The following ZFPM2 variants were observed in gnomAD, a reference collection of about 807,000 sequenced individuals.
The protein encoded by ZFPM2 is zinc finger protein, FOG family member 2.
ZFPM2 carries 20 observed loss-of-function variants against 98.6 expected under a neutral mutation model. That is an observed-to-expected ratio of 0.20 (90% CI 0.14 to 0.29). ZFPM2 has a LOEUF of 0.29. Among genes scored for constraint, ZFPM2 ranks in the 10% least tolerant of loss-of-function variants. The pLI is 1.00. For missense variants in ZFPM2, 1,310 were observed against 1,388.6 expected, an observed-to-expected ratio of 0.94 and a Z score of 0.90; for synonymous variants, 518 against 502.7, an observed-to-expected ratio of 1.03 and a Z score of -0.41.
intron 5 of ZFPM2, among the ~76,000 whole-genome samples, chr8:105,713,269 T>C (rs1247776678): frequency 6.6e-6 from 1 of 152,108 alleles, no homozygotes; most frequent in East Asian, 1.9e-4. Context: ...TTGATTTGCA[T>C]TTCTTTGATG....
intron 2 of ZFPM2, among the ~76,000 whole-genome samples, chr8:105,422,859 A>G (rs1023964442): frequency 6.6e-6 from 1 of 152,208 alleles, no homozygotes; most frequent in African/African-American, 2.4e-5. Flanking sequence ...TGTTATCATA[A>G]CTTTTTAAAA....
intron 2 of ZFPM2, among the ~76,000 whole-genome samples, chr8:105,422,342 C>T (rs1811812356): frequency 6.6e-6 from 1 of 152,014 alleles, no homozygotes; most frequent in South Asian, 2.1e-4. Context: ...GAGGCTGAGG[C>T]AGACAGAATT....
intron 4 of ZFPM2, among the ~76,000 whole-genome samples, chr8:105,607,674 C>A (rs1478331806): frequency 6.6e-6 from 1 of 152,006 alleles, no homozygotes; most frequent in Non-Finnish European, 1.5e-5. Flanking sequence ...GTAATCAGTA[C>A]CTCAAAGTCC....
intron 3 of ZFPM2, among the ~76,000 whole-genome samples, chr8:105,448,068 A>G (rs977298576): frequency 9.9e-5 from 15 of 152,160 alleles, no homozygotes; most frequent in Middle Eastern, 6.8e-3. Context: ...GTATACTTCA[A>G]ATTCCTATGA....
intron 1 of ZFPM2, among the ~76,000 whole-genome samples, chr8:105,338,935 A>G (rs1443260579): frequency 2.6e-5 from 4 of 151,838 alleles, no homozygotes; most frequent in African/African-American, 9.7e-5. Context: ...ATTGATGAAG[A>G]GTAAATAAGT....
At chr8:105,752,130 A>T (rs1563549016) in intron 5 of ZFPM2, among the ~76,000 whole-genome samples, 2 of 152,116 alleles carry the variant, frequency 1.3e-5, no homozygotes, top group South Asian at 2.1e-4. Context: ...ATCATAAAAA[A>T]ATGCATTACT....
chr8:105,478,505 A>G (rs948130567), intron 3 of ZFPM2, among the ~76,000 whole-genome samples: 12 of 152,310 alleles, frequency 7.9e-5, no homozygotes, highest in Admixed American at 7.2e-4. Context: ...AAATTAATAC[A>G]TCTCCTAATG....
intron 4 of ZFPM2, among the ~76,000 whole-genome samples, chr8:105,603,548 T>C (rs1816136994): frequency 6.6e-6 from 1 of 152,222 alleles, no homozygotes; most frequent in East Asian, 1.9e-4. Flanking sequence ...CAGTTGTAAA[T>C]GATTAGCCTT....
intron 1 of ZFPM2, among the ~76,000 whole-genome samples, chr8:105,389,264 A>T (rs1283212673): frequency 6.6e-6 from 1 of 152,162 alleles, no homozygotes; most frequent in Admixed American, 6.5e-5. Flanking sequence ...CTATTAGCAT[A>T]TAGTAGGAGT....
intron 1 of ZFPM2, among the ~76,000 whole-genome samples, chr8:105,409,069 C>T (rs1222962478): frequency 6.6e-6 from 1 of 151,846 alleles, no homozygotes; most frequent in Admixed American, 6.6e-5. Flanking sequence ...GACCTGTCCC[C>T]TCAATCTGAT....
intron 3 of ZFPM2, among the ~76,000 whole-genome samples, chr8:105,471,601 C>T (rs184428381): frequency 1.7e-4 from 26 of 152,240 alleles, no homozygotes; most frequent in Non-Finnish European, 2.6e-4. Flanking sequence ...ATATGTTTCT[C>T]TCAAAGATTC....
At chr8:105,682,970 C>G (rs925416719) in intron 5 of ZFPM2, among the ~76,000 whole-genome samples, 1 of 152,018 alleles carries the variant, frequency 6.6e-6, no homozygotes, top group Non-Finnish European at 1.5e-5. Context: ...TCTTACAGTT[C>G]TGGAGGCTGG....
At chr8:105,627,218 A>G (rs1816675608) in intron 4 of ZFPM2, among the ~76,000 whole-genome samples, 1 of 152,154 alleles carries the variant, frequency 6.6e-6, no homozygotes, top group Non-Finnish European at 1.5e-5. Context: ...GTTAGTGAGA[A>G]GTGGATGCTA....
intron 1 of ZFPM2, among the ~76,000 whole-genome samples, chr8:105,417,150 A>G (rs953723903): frequency 2.0e-5 from 3 of 152,058 alleles, no homozygotes; most frequent in Admixed American, 6.6e-5. Context: ...CCATTTCTCA[A>G]AAAATAATAA....
intron 2 of ZFPM2, among the ~76,000 whole-genome samples, chr8:105,420,197 G>T (rs1483903858): frequency 3.3e-5 from 5 of 151,988 alleles, no homozygotes; most frequent in Non-Finnish European, 7.4e-5. Flanking sequence ...TGTTTTTTAT[G>T]CAGATAAATA....
intron 5 of ZFPM2, among the ~76,000 whole-genome samples, chr8:105,645,592 A>T (rs1817026893): frequency 6.6e-6 from 1 of 152,188 alleles, no homozygotes; most frequent in Non-Finnish European, 1.5e-5. Flanking sequence ...GGAGAAGTTT[A>T]TTTCTAATAA....
chr8:105,448,391 G>A (rs756176978), intron 3 of ZFPM2, among the ~76,000 whole-genome samples: 32 of 151,800 alleles, frequency 2.1e-4, no homozygotes, highest in Non-Finnish European at 4.7e-4. Context: ...ACTCTCACAA[G>A]TTCTTCAGTT....
At chr8:105,579,326 T>G (rs1442573939) in intron 4 of ZFPM2, among the ~76,000 whole-genome samples, 1 of 152,182 alleles carries the variant, frequency 6.6e-6, no homozygotes, top group Non-Finnish European at 1.5e-5. Flanking sequence ...AAAACTAGCC[T>G]TAAGATTTTT....
At chr8:105,792,947 C>A (rs1269747293) in intron 6 of ZFPM2, among the ~76,000 whole-genome samples, 4 of 152,146 alleles carry the variant, frequency 2.6e-5, no homozygotes, top group Admixed American at 2.6e-4. Flanking sequence ...GGTAGATCTT[C>A]CTCCATCCTT....
Sources: allele counts gnomAD v4.1 joint callset (sites outside exome capture counted in the v4.1 genomes callset), GRCh38; gene constraint gnomAD v4.1.1; transcripts MANE v1.5; gene names NCBI Gene and HGNC (gene_info 2026-07-23, HGNC 2026-07-21).